CPOX: variants seen among roughly 807,000 people sequenced by gnomAD.
The protein encoded by CPOX is coproporphyrinogen oxidase, also known as oxygen-dependent coproporphyrinogen-III oxidase, mitochondrial.
CPOX carries 24 observed loss-of-function variants against 48.9 expected under a neutral mutation model. That is an observed-to-expected ratio of 0.49 (90% CI 0.36 to 0.69). The LOEUF (loss-of-function observed/expected upper bound fraction) is 0.69. Ranked by LOEUF, CPOX falls within the 30% of genes least tolerant of loss-of-function variation. The pLI is 0.00. For synonymous variants in CPOX, 249 were observed against 234.6 expected, an observed-to-expected ratio of 1.06 and a Z score of -0.56; for missense variants, 549 against 597.3, an observed-to-expected ratio of 0.92 and a Z score of 0.84.
At chr3:98,579,350 G>GGGGCCCCTAGCCCTAATGTTGTTCAA (rs1707207846), downstream of CPOX, 2 of 326,578 alleles carry the variant, frequency 6.1e-6, no homozygotes, top group African/African-American at 2.5e-5. Flanking sequence ...AGGAGGAGTT[G>GGGGCCCCTAGCCCTAATGTTGTTCAA]GGGCCCCTAG....
At chr3:98,573,607 T>C in the CPOX span, among the ~76,000 whole-genome samples, 1 of 152,142 alleles carries the variant, frequency 6.6e-6, no homozygotes. Flanking sequence ...CCCCTGCAGA[T>C]TAGATTTTCT....
downstream of CPOX, among the ~76,000 whole-genome samples, chr3:98,576,374 G>C (rs1707162923): frequency 6.6e-6 from 1 of 152,154 alleles, no homozygotes; most frequent in African/African-American, 2.4e-5. Context: ...ACTACCACGA[G>C]AACAGCACGG....
chr3:98,591,356 A>G (rs554081993), intron 1 of CPOX, among the ~76,000 whole-genome samples: 2 of 152,238 alleles, frequency 1.3e-5, no homozygotes, highest in Non-Finnish European at 2.9e-5. Context: ...AGACCTTCTC[A>G]TATCACTAAA....
chr3:98,586,547 C>T (rs1226576973), intron 4 of CPOX, among the ~76,000 whole-genome samples: 1 of 152,124 alleles, frequency 6.6e-6, no homozygotes, highest in Non-Finnish European at 1.5e-5. Flanking sequence ...TTTCATATGT[C>T]ATATCAGACA....
downstream of CPOX, among the ~76,000 whole-genome samples, chr3:98,578,995 G>A (rs549642000): frequency 1.1e-4 from 16 of 152,252 alleles, no homozygotes; most frequent in South Asian, 1.5e-3. Flanking sequence ...GAAGAGTTTT[G>A]CTTCTTCGCA....
intron 1 of CPOX, among the ~76,000 whole-genome samples, chr3:98,592,605 C>T (rs1347707144): frequency 1.3e-5 from 2 of 152,084 alleles, no homozygotes. Flanking sequence ...AAATGTGTTC[C>T]ATAATCTATT....
chr3:98,582,736 C>T (rs907724017), intron 5 of CPOX, among the ~76,000 whole-genome samples: 1 of 152,112 alleles, frequency 6.6e-6, no homozygotes, highest in African/African-American at 2.4e-5. Flanking sequence ...CGTGATCTGC[C>T]CGCCTCGGCC....
intron 4 of CPOX, 110 bp downstream of exon 4, chr3:98,588,603 A>T (rs1707411069): frequency 4.3e-6 from 5 of 1,151,498 alleles, no homozygotes; most frequent in Non-Finnish European, 6.5e-6. Context: ...AAAGTAAGAA[A>T]ACTAGTTCCA....
At position 98,593,347 on chromosome 3, in the gene CPOX, G is replaced by C; in HGVS notation, c.158C>G (p.Pro53Arg). Residue 53 changes from proline to arginine, a missense_variant, in exon 1 of 7, where the codon CCG (proline) becomes CGG (arginine). Transcript: ENST00000647941. ...AAGRVCRPPG[P>R]AGTEQSRGLG... ...CCCGCGGCTCTGCTCCGTGCCAGCC[G>C]GGCCAGGGGGCCGGCAGACGCGTCC... The C allele has an allele frequency of 3.0e-6, 4 of 1,339,154 alleles. No individual in the cohort carries two copies. The highest frequency in any genetic ancestry group is 2.8e-6 in the Non-Finnish European group (3 of 1,057,148). The allele number at this position is 1,339,154 out of a possible 1,614,324, so 83.0% of individuals were successfully genotyped here.
At chr3:98,584,608 C>T (rs1428763765) in intron 5 of CPOX, among the ~76,000 whole-genome samples, 2 of 152,150 alleles carry the variant, frequency 1.3e-5, no homozygotes, top group Non-Finnish European at 2.9e-5. Context: ...ACAGAATTAA[C>T]GTCAATGAGA....
At chr3:98,588,933 G>T in intron 3 of CPOX, 79 bp from the exon 4 acceptor site, 1 of 1,527,126 alleles carries the variant, frequency 6.5e-7, no homozygotes, top group Non-Finnish European at 9.0e-7. Context: ...ACTTAATTTA[G>T]CAGCTTAATT....
chr3:98,573,583 A>C, the CPOX span, among the ~76,000 whole-genome samples: 1 of 151,926 alleles, frequency 6.6e-6, no homozygotes, highest in Non-Finnish European at 1.5e-5. Context: ...GCCAAAAAAA[A>C]ACAAACAAAA....
rs917673046 is a variant in CPOX, at chr3:98,582,483, AT to A, written c.1173-973del. ...AAATATCCTCTAGATTCCCACAATAATTTTTTTTTCTTTTCTTTTTTTTTTT... is the reference window on the plus strand; with the variant it reads ...AAATATCCTCTAGATTCCCACAATAATTTTTTTTCTTTTCTTTTTTTTTTT... On this transcript the variant is annotated intron_variant, in intron 5 of 6. Transcript: ENST00000647941. Among the ~76,000 whole-genome samples the A allele has an allele frequency of 6.7e-5, 10 of 149,280 alleles. No homozygotes were observed. In the South Asian group the frequency reaches 1.1e-3, roughly 16 times the overall value.
chr3:98,573,581 AAAAC>A, the CPOX span, among the ~76,000 whole-genome samples: 2 of 151,944 alleles, frequency 1.3e-5, no homozygotes, highest in South Asian at 4.1e-4. Context: ...CTGCCAAAAA[AAAAC>A]AAACAAAAAA....
At chr3:98,576,072 C>CAAAAAAAAAAA (rs56988806), downstream of CPOX, among the ~76,000 whole-genome samples, 3 of 71,418 alleles carry the variant, frequency 4.2e-5, no homozygotes, top group African/African-American at 1.0e-4. Context: ...AACTCTGCCT[C>CAAAAAAAAAAA]AAAAAAAAAA....
chr3:98,588,617 T>C, intron 4 of CPOX, 96 bp downstream of exon 4: 1 of 1,323,498 alleles, frequency 7.6e-7, no homozygotes, highest in Non-Finnish European at 1.1e-6. Context: ...AGTTCCATTT[T>C]CATAAGCAGA....
rs1707419707 is a variant in CPOX at position 98,588,870 on chromosome 3, A to G, written c.812-16T>C. The G allele has an allele frequency of 4.3e-6, 7 of 1,614,014 alleles. No homozygotes were observed. The African/African-American group carries it at 6.7e-5, about 15-fold the overall frequency. ...TGCTTGTTGCCTACCAAATCAAGAC[A>G]TGGGATTCTAATGTGGACTTTTGAG... On this transcript the variant is annotated splice_polypyrimidine_tract_variant and intron_variant, in intron 3 of 6. Coordinates refer to ENST00000647941, the MANE Select transcript of CPOX (RefSeq NM_000097.7).
downstream of CPOX, among the ~76,000 whole-genome samples, chr3:98,575,708 T>C (rs1225106262): frequency 8.4e-5 from 12 of 143,500 alleles, no homozygotes; most frequent in Non-Finnish European, 1.7e-4. Flanking sequence ...GGTGGGTGGA[T>C]CACCTGAGGT....
At chr3:98,585,815 A>G (rs1707351267) in intron 4 of CPOX, 156 bp from the exon 5 acceptor site, 1 of 694,206 alleles carries the variant, frequency 1.4e-6, no homozygotes, top group South Asian at 1.6e-5. Context: ...AGGACTTTAG[A>G]CAGATAGATT....
Sources: allele counts gnomAD v4.1 joint callset (sites outside exome capture counted in the v4.1 genomes callset), GRCh38; gene constraint gnomAD v4.1.1; transcripts MANE v1.5; gene names NCBI Gene and HGNC (gene_info 2026-07-23, HGNC 2026-07-21).